Variants in CLN6 observed in about 807,000 individuals in gnomAD.
CLN6 encodes the protein ceroid-lipofuscinosis neuronal protein 6.
CLN6 carries 22 observed loss-of-function variants against 33.3 expected under a neutral mutation model. The ratio of observed to expected loss-of-function variants is 0.66; its 90% CI spans 0.47 to 0.94. The LOEUF is 0.94. Among genes scored for constraint, CLN6 ranks in the 40% least tolerant of loss-of-function variants. The probability of loss-of-function intolerance (pLI) is 0.00; values close to 1 mark genes in which losing one functional copy is unlikely to be tolerated. For synonymous variants in CLN6, 201 were observed against 174.6 expected (o/e 1.15, Z -1.19); for missense variants, 387 against 417.1 (o/e 0.93, Z 0.63).
intron 2 of CLN6, 63 bp from the exon 3 acceptor site, chr15:68,214,451 AG>A: frequency 8.1e-7 from 1 of 1,241,466 alleles, no homozygotes; most frequent in Non-Finnish European, 1.2e-6. Context: ...TCGGGCCTCA[AG>A]GGAGTCTGCC....
At chr15:68,212,757 TG>T (rs1464384649) in intron 3 of CLN6, 1 of 152,190 alleles carries the variant, frequency 6.6e-6, no homozygotes, top group East Asian at 1.9e-4. Flanking sequence ...GTGATCCTCC[TG>T]TATCAGCCTC....
intron 1 of CLN6, among the ~76,000 whole-genome samples, chr15:68,237,181 A>C (rs867621766): frequency 2.7e-5 from 4 of 149,294 alleles, no homozygotes; most frequent in African/African-American, 1.0e-4. Context: ...AAAAAAAAAA[A>C]AAAAAAAACT....
At chr15:68,240,098 G>C (rs1407210585) in intron 1 of CLN6, among the ~76,000 whole-genome samples, 1 of 152,036 alleles carries the variant, frequency 6.6e-6, no homozygotes, top group African/African-American at 2.4e-5. Flanking sequence ...TATGGATGCA[G>C]GAAAAATAGT....
At chr15:68,251,365 T>C (rs895953302) in intron 1 of CLN6, among the ~76,000 whole-genome samples, 6 of 152,124 alleles carry the variant, frequency 3.9e-5, no homozygotes, top group African/African-American at 1.2e-4. Context: ...ACTGTAAACA[T>C]TGTTCCATTA....
chr15:68,216,496 G>A (rs2093220932), intron 2 of CLN6, among the ~76,000 whole-genome samples: 1 of 152,200 alleles, frequency 6.6e-6, no homozygotes, highest in African/African-American at 2.4e-5. Context: ...GCATTGCCAG[G>A]ACAGCTTTTC....
chr15:68,240,335 C>T (rs573533798), intron 1 of CLN6, among the ~76,000 whole-genome samples: 11 of 152,270 alleles, frequency 7.2e-5, no homozygotes, highest in South Asian at 4.1e-4. Context: ...CAGTGGCTCA[C>T]GCCTGTAATC....
At position 68,236,635 on chromosome 15, in the gene CLN6, G is replaced by A. The variant is rs1276371231; in HGVS notation, c.180-17985C>T. Among the ~76,000 whole-genome samples the A allele has an allele frequency of 2.0e-5, 3 of 152,200 alleles. No homozygotes were observed. The highest frequency in any genetic ancestry group is 4.4e-5 in the Non-Finnish European group (3 of 68,034). On this transcript the variant is annotated intron_variant, in intron 1 of 6. Coordinates refer to the CLN6 transcript ENST00000538696. The surrounding 1 kb of genome is among the most constrained non-coding windows in gnomAD (Gnocchi z 4.5). ...GGATACAGGATTCCTCTTTGGGTTG[G>A]TATAAATGTTCTGGCATTAAGTAGT...
At position 68,209,027 on chromosome 15, in the gene CLN6, C is replaced by T. The variant is rs2093196659; in HGVS notation, c.665+610G>A. On this transcript the variant is annotated intron_variant, in intron 6 of 6. Coordinates refer to ENST00000249806, the MANE Select transcript of CLN6 (RefSeq NM_017882.3). This position sits in a 1 kb window ranked among gnomAD's most constrained non-coding sequence, Gnocchi z 4.9. Reference sequence around the variant, plus strand: ...TGTCCTTCCCATGATACCCACAATCCCAGGGTGACCTGTCTCCAGGGCAGA... The same window carrying T: ...TGTCCTTCCCATGATACCCACAATCTCAGGGTGACCTGTCTCCAGGGCAGA... Among the ~76,000 whole-genome samples the T allele has an allele frequency of 6.6e-6, 1 of 152,150 alleles. No homozygotes were observed. The highest frequency in any genetic ancestry group is 1.5e-5 in the Non-Finnish European group (1 of 68,016).
intron 1 of CLN6, among the ~76,000 whole-genome samples, chr15:68,253,558 C>A (rs533494646): frequency 2.6e-5 from 4 of 152,186 alleles, no homozygotes; most frequent in Non-Finnish European, 5.9e-5. Context: ...AGCATTAGAA[C>A]CACTGTTTAA....
Position 68,209,640 on chromosome 15 carries a change from T to C in CLN6, c.662A>G (p.Tyr221Cys), listed in dbSNP as rs764571295. ...LLLVAPSGLY[Y>C]WYLVTEGQIF... is the part of the protein sequence containing the mutation. ...CCCCATGCTGATGTCCACTCACCAG[T>C]AGTACAGGCCACTGGGTGCCACCAG... Residue 221 changes from tyrosine to cysteine, a missense_variant, in exon 6 of 7, where the codon TAC (tyrosine) becomes TGC (cysteine). Physicochemically the swap from Tyr to Cys is radical, Grantham distance 194. Coordinates refer to ENST00000249806, the MANE Select transcript of CLN6 (RefSeq NM_017882.3). The surrounding 1 kb of genome is among the most constrained non-coding windows in gnomAD (Gnocchi z 4.9). 1.2e-5 allele frequency: 19 copies of C among 1,612,448 alleles called. No homozygotes were observed. In the South Asian group the frequency reaches 1.2e-4, roughly 10 times the overall value.
chr15:68,229,529 T>C lies in CLN6; in HGVS notation c.56A>G (p.Gln19Arg). 6.8e-7 allele frequency: 1 copy of C among 1,466,782 alleles called. No individual in the cohort carries two copies. Among genetic ancestry groups the C allele is most frequent in the Non-Finnish European group, 9.0e-7 (1 of 1,114,258 alleles). The allele number at this position is 1,466,782 out of a possible 1,614,324, so 90.9% of individuals were successfully genotyped here. A position where few individuals can be genotyped will look rare whatever the true frequency, so the allele number is the denominator to read the frequency against. ...HLGATGGPGA[Q>R]LGASFLQARH... ...GGCCTGCAGGAAGGAGGCGCCCAGC[T>C]GCGCGCCTGGGCCGCCCGTCGCTCC... Residue 19 changes from glutamine to arginine, a missense_variant, in exon 1 of 7, where the codon CAG (glutamine) becomes CGG (arginine). Gln to Arg is a conservative substitution (Grantham distance 43). Transcript: ENST00000249806.
chr15:68,228,039 G>A lies in CLN6; in HGVS notation c.83+1463C>T, dbSNP rs1377517183. Reference sequence around the variant, plus strand: ...ACACGGCGTGGGGCAGACAGCCCGGGGACTCAGCCAGTCAGGCTCCTCAGC... The same window carrying A: ...ACACGGCGTGGGGCAGACAGCCCGGAGACTCAGCCAGTCAGGCTCCTCAGC... On this transcript the variant is annotated intron_variant, in intron 1 of 6. Coordinates refer to ENST00000249806, the MANE Select transcript of CLN6 (RefSeq NM_017882.3). The surrounding 1 kb of genome is among the most constrained non-coding windows in gnomAD (Gnocchi z 4.4). Among the ~76,000 whole-genome samples, 1 of 152,162 alleles carries A rather than the reference G, an allele frequency of 6.6e-6. No homozygotes were observed. Among genetic ancestry groups the A allele is most frequent in the East Asian group, 1.9e-4 (1 of 5,196 alleles).
intron 1 of CLN6, among the ~76,000 whole-genome samples, chr15:68,245,649 C>T (rs1026429134): frequency 1.3e-5 from 2 of 152,062 alleles, no homozygotes; most frequent in African/African-American, 4.8e-5. Context: ...ATCAATAATA[C>T]ACTGAATGTA....
In CLN6 at chr15:68,236,985, G is replaced by A. The variant is rs1002606318; in HGVS notation, c.180-18335C>T. Among the ~76,000 whole-genome samples, 10 of 150,650 alleles carry A rather than the reference G, an allele frequency of 6.6e-5. No homozygotes were observed. In the East Asian group the frequency reaches 1.8e-3, roughly 27 times the overall value. On this transcript the variant is annotated intron_variant, in intron 1 of 6. Coordinates refer to the CLN6 transcript ENST00000538696. The surrounding 1 kb of genome is among the most constrained non-coding windows in gnomAD (Gnocchi z 4.5). ...ATCCTGGCTAACAAGGTGAAACCCCGTCTCTACTAAAAATACAAAAAATTA... is the reference window on the plus strand; with the variant it reads ...ATCCTGGCTAACAAGGTGAAACCCCATCTCTACTAAAAATACAAAAAATTA...
intron 1 of CLN6, among the ~76,000 whole-genome samples, chr15:68,237,189 A>G (rs965411373): frequency 1.4e-5 from 2 of 141,584 alleles, no homozygotes; most frequent in Non-Finnish European, 3.1e-5. Flanking sequence ...AAAAAAAAAA[A>G]CTGAATGGAG....
chr15:68,209,618 C>T lies in CLN6; in HGVS notation c.665+19G>A, dbSNP rs761055402. ...CTCTCAGTGCCCCTGCCTCTGCCCC[C>T]ATGCTGATGTCCACTCACCAGTAGT... On this transcript the variant is annotated intron_variant, in intron 6 of 6. Coordinates refer to ENST00000249806, the MANE Select transcript of CLN6 (RefSeq NM_017882.3). This position sits in a 1 kb window ranked among gnomAD's most constrained non-coding sequence, Gnocchi z 4.9. 6.2e-7 allele frequency: 1 copy of T among 1,611,644 alleles called. No homozygotes were observed. The highest frequency in any genetic ancestry group is 1.1e-5 in the South Asian group (1 of 90,966).
intron 1 of CLN6, among the ~76,000 whole-genome samples, chr15:68,249,057 A>T (rs1280327734): frequency 2.6e-5 from 4 of 152,250 alleles, no homozygotes; most frequent in African/African-American, 9.6e-5. Context: ...CAAATGGCTG[A>T]CAGGTATTTT....
At chr15:68,216,939 G>T (rs1055247140) in intron 2 of CLN6, among the ~76,000 whole-genome samples, 2 of 152,164 alleles carry the variant, frequency 1.3e-5, no homozygotes, top group African/African-American at 4.8e-5. Context: ...GCAGATGCTG[G>T]CCTCTATGCT....
At chr15:68,212,041 T>A in intron 3 of CLN6, 178 bp from the exon 4 acceptor site, 4 of 638,936 alleles carry the variant, frequency 6.3e-6, no homozygotes. Context: ...GTGACCCCTA[T>A]GAACCCCGGA....
Sources: gnomAD v4.1 joint callset for allele counts (sites outside exome capture counted in the v4.1 genomes callset) on GRCh38, gnomAD v4.1.1 for gene constraint, Gnocchi (gnomAD v3.1) non-coding constraint, MANE v1.5 for transcripts, NCBI Gene and HGNC (gene_info 2026-07-23, HGNC 2026-07-21) for gene names.